ESR1: variants seen among roughly 807,000 people sequenced by gnomAD.
ESR1 encodes the protein estrogen receptor.
In ESR1, 12 loss-of-function variants were observed where a neutral mutation model predicts 52.7. The observed-to-expected ratio is 0.23, with a 90% CI of 0.15 to 0.37. The LOEUF is 0.37. Among genes scored for constraint, ESR1 ranks in the 10% least tolerant of loss-of-function variants. The probability of loss-of-function intolerance (pLI) is 1.00; values close to 1 mark genes in which losing one functional copy is unlikely to be tolerated. For synonymous variants in ESR1, 305 were observed against 316.8 expected (o/e 0.96, Z 0.39); for missense variants, 584 against 779.7 (o/e 0.75, Z 2.99).
At chr6:152,063,764 G>A (rs192063480) in intron 6 of ESR1, among the ~76,000 whole-genome samples, 113 of 152,262 alleles carry the variant, frequency 7.4e-4, no homozygotes, top group African/African-American at 2.3e-3. Context: ...AGCTGGAAAC[G>A]GCTCAGGAAA....
At chr6:151,956,499 C>G (rs370312917) in intron 4 of ESR1, among the ~76,000 whole-genome samples, 27 of 152,262 alleles carry the variant, frequency 1.8e-4, no homozygotes, top group African/African-American at 6.5e-4. Context: ...GGTGCTGTTC[C>G]AAGCATTTTA....
chr6:152,004,674 T>G (rs73009829), intron 4 of ESR1, among the ~76,000 whole-genome samples: 3,023 of 151,412 alleles, frequency 0.02, 48 homozygotes, highest in Middle Eastern at 0.051. Flanking sequence ...AATCTCAGAG[T>G]AAGATATAAG....
chr6:151,939,370 C>G (rs1460973626), intron 3 of ESR1, among the ~76,000 whole-genome samples: 1 of 152,134 alleles, frequency 6.6e-6, no homozygotes, highest in Admixed American at 6.6e-5. Context: ...CCATATCACT[C>G]TATGTTGCTG....
At chr6:152,110,664 C>T (rs2051121811) in intron 6 of ESR1, among the ~76,000 whole-genome samples, 1 of 152,166 alleles carries the variant, frequency 6.6e-6, no homozygotes, top group Non-Finnish European at 1.5e-5. Context: ...TGCACATGTA[C>T]TCCTGAACCC....
At chr6:152,075,221 CT>C (rs2128995516) in intron 6 of ESR1, among the ~76,000 whole-genome samples, 1 of 152,280 alleles carries the variant, frequency 6.6e-6, no homozygotes, top group Admixed American at 6.5e-5. Context: ...AGAAGTTTGA[CT>C]TCATCCAGAT....
intron 1 of ESR1, among the ~76,000 whole-genome samples, chr6:151,696,122 G>A (rs1432775650): frequency 6.6e-6 from 1 of 151,922 alleles, no homozygotes; most frequent in Non-Finnish European, 1.5e-5. Flanking sequence ...ATTGACAAGG[G>A]CCTTGCTGTG....
chr6:151,977,986 AAG>A (rs1267556893), intron 4 of ESR1, among the ~76,000 whole-genome samples: 3 of 151,226 alleles, frequency 2.0e-5, no homozygotes, highest in African/African-American at 7.3e-5. Flanking sequence ...AAAACAAGGA[AAG>A]AGAGGGACAA....
At chr6:151,956,835 TATAA>T (rs58551150) in intron 4 of ESR1, among the ~76,000 whole-genome samples, 23,544 of 129,026 alleles carry the variant, frequency 0.18, 2,496 homozygotes, top group African/African-American at 0.32. Flanking sequence ...TATATATAAA[TATAA>T]ATAAATATAT....
At chr6:152,092,452 C>T (rs1189074031) in intron 6 of ESR1, among the ~76,000 whole-genome samples, 3 of 151,990 alleles carry the variant, frequency 2.0e-5, no homozygotes, top group Non-Finnish European at 4.4e-5. Context: ...TTCTCCCATA[C>T]CCGACCTACA....
Position 152,094,391 on chromosome 6 carries a change from A to G in ESR1, c.1376A>G (p.Tyr459Cys). The G allele has an allele frequency of 6.2e-7, 1 of 1,613,926 alleles. No homozygotes were observed. Among genetic ancestry groups the G allele is most frequent in the Non-Finnish European group, 8.5e-7 (1 of 1,179,824 alleles). ...KSIILLNSGV[Y>C]TFLSSTLKSL... ...TCTCTCTCTGCGCATTCAGGAGTGT[A>G]CACATTTCTGTCCAGCACCCTGAAG... is the stretch of plus-strand genomic sequence containing the variant. Residue 459 changes from tyrosine to cysteine, a missense_variant, in exon 7 of 8, where the codon TAC becomes TGC. Physicochemically the swap from Tyr to Cys is radical, Grantham distance 194. Transcript: ENST00000206249. The surrounding 1 kb of genome is among the most constrained non-coding windows in gnomAD (Gnocchi z 4.6).
At chr6:152,055,960 C>A (rs927967306) in intron 5 of ESR1, among the ~76,000 whole-genome samples, 1 of 152,164 alleles carries the variant, frequency 6.6e-6, no homozygotes, top group Non-Finnish European at 1.5e-5. Context: ...TTGCAACTTA[C>A]AGTACGTTGT....
chr6:152,109,252 G>A (rs527426380), intron 6 of ESR1, among the ~76,000 whole-genome samples: 4 of 152,256 alleles, frequency 2.6e-5, no homozygotes, highest in South Asian at 2.1e-4. Context: ...GAGATTTGAC[G>A]AGGACACAGA....
At chr6:151,821,058 T>A (rs1279631905) in intron 1 of ESR1, among the ~76,000 whole-genome samples, 4 of 152,160 alleles carry the variant, frequency 2.6e-5, no homozygotes. Flanking sequence ...GGTGAAGAAA[T>A]CAAAGTCTAG....
chr6:151,732,342 C>A (rs1782311475), intron 2 of ESR1, among the ~76,000 whole-genome samples: 1 of 151,934 alleles, frequency 6.6e-6, no homozygotes, highest in African/African-American at 2.4e-5. Flanking sequence ...GTATGTGATC[C>A]CTTTTACTTG....
intron 3 of ESR1, among the ~76,000 whole-genome samples, chr6:151,899,856 G>A (rs1231092279): frequency 1.5e-4 from 23 of 151,670 alleles, no homozygotes; most frequent in African/African-American, 4.6e-4. Flanking sequence ...GGGAAGAGGC[G>A]CTCCTCACTT....
At position 151,969,526 on chromosome 6, in the gene ESR1, A is replaced by G. The variant is rs547745844; in HGVS notation, c.1096+25018A>G. Among the ~76,000 whole-genome samples, 10 of 152,312 alleles carry G rather than the reference A, an allele frequency of 6.6e-5. No individual in the cohort carries two copies. In the East Asian group the frequency reaches 1.9e-3, roughly 29 times the overall value. On this transcript the variant is annotated intron_variant, in intron 4 of 7. Coordinates refer to ENST00000206249, the MANE Select transcript of ESR1 (RefSeq NM_000125.4). ...ATGTCTCCCATCCTTTAATTATTCCAGTAGACAGTGGGCCAGCAGCAGGTG... is the reference window on the plus strand; with the variant it reads ...ATGTCTCCCATCCTTTAATTATTCCGGTAGACAGTGGGCCAGCAGCAGGTG...
At chr6:151,731,661 A>G (rs1383006543) in intron 2 of ESR1, among the ~76,000 whole-genome samples, 1 of 152,186 alleles carries the variant, frequency 6.6e-6, no homozygotes, top group African/African-American at 2.4e-5. Context: ...AAAACTGATC[A>G]TATTTTATTC....
chr6:151,988,204 T>A (rs116783120), intron 4 of ESR1, among the ~76,000 whole-genome samples: 3,547 of 152,200 alleles, frequency 0.023, 71 homozygotes, highest in South Asian at 0.071. Context: ...ATAGAATCAA[T>A]GGGAGCCTTG....
chr6:151,866,762 A>C (rs1789987093), intron 2 of ESR1, among the ~76,000 whole-genome samples: 1 of 152,116 alleles, frequency 6.6e-6, no homozygotes, highest in Non-Finnish European at 1.5e-5. Context: ...AGTCTTTGCT[A>C]TTGTGAATAG....
Sources: allele counts gnomAD v4.1 joint callset (sites outside exome capture counted in the v4.1 genomes callset), GRCh38; gene constraint gnomAD v4.1.1; non-coding constraint Gnocchi (gnomAD v3.1); transcripts MANE v1.5; gene names NCBI Gene and HGNC (gene_info 2026-07-23, HGNC 2026-07-21).